ACTN4: variants seen among roughly 807,000 people sequenced by gnomAD.
ACTN4 encodes alpha-actinin-4.
ACTN4 carries 18 observed loss-of-function variants against 114.2 expected under a neutral mutation model. The ratio of observed to expected loss-of-function variants is 0.16; its 90% confidence interval spans 0.11 to 0.23. ACTN4 has a LOEUF of 0.23. ACTN4 is among the 10% of genes least tolerant of loss of function. ACTN4 has a pLI of 1.00. For missense variants in ACTN4, 722 were observed against 1,262.9 expected, an observed-to-expected ratio of 0.57 and a Z score of 6.49; for synonymous variants, 515 against 506.3, an observed-to-expected ratio of 1.02 and a Z score of -0.23.
intron 1 of ACTN4, among the ~76,000 whole-genome samples, chr19:38,672,399 C>T (rs1967159158): frequency 6.6e-6 from 1 of 151,676 alleles, no homozygotes; most frequent in African/African-American, 2.4e-5. Context: ...TGCCACCACA[C>T]CTGGCTAATT....
chr19:38,672,010 A>G (rs1967142756), intron 1 of ACTN4, among the ~76,000 whole-genome samples: 1 of 152,206 alleles, frequency 6.6e-6, no homozygotes, highest in Non-Finnish European at 1.5e-5. Context: ...TGTGAGGGAA[A>G]GAGGGCTTTC....
chr19:38,694,887 C>T (rs954774037), intron 1 of ACTN4, among the ~76,000 whole-genome samples: 6 of 151,456 alleles, frequency 4.0e-5, no homozygotes, highest in East Asian at 1.9e-4. Context: ...TGCGGGGGGG[C>T]GGGTTGAGAC....
In ACTN4 at chr19:38,724,311, C is replaced by G; in HGVS notation, c.1847C>G (p.Pro616Arg). Reference protein sequence around the residue: ...SGSNPYTTVTPQIINSKWEKV... With the variant: ...SGSNPYTTVTRQIINSKWEKV... The stretch of plus-strand genomic sequence containing the variant: ...AGCAACCCCTACACCACCGTCACCC[C>G]GCAAATCATCAACTCCAAGTGGGAG... Residue 616 changes from proline (P) to arginine (R), a missense_variant, in exon 15 of 21, where the codon CCG becomes CGG. By Grantham distance (103) the Pro-to-Arg change is moderately radical. Around this residue, in one of 3 missense-constraint regions of ACTN4, gnomAD observed 523 missense variants for 875.9 expected, o/e 0.60. Coordinates refer to ENST00000252699, the MANE Select transcript of ACTN4 (RefSeq NM_004924.6). This position sits in a 1 kb window ranked among gnomAD's most constrained non-coding sequence, Gnocchi z 7.0. 6.2e-7 allele frequency: 1 copy of G among 1,613,814 alleles called. No homozygotes were observed. Among genetic ancestry groups the G allele is most frequent in the South Asian group, 1.1e-5 (1 of 91,088 alleles).
At chr19:38,660,037 C>T (rs1568677344) in intron 1 of ACTN4, among the ~76,000 whole-genome samples, 1 of 151,714 alleles carries the variant, frequency 6.6e-6, no homozygotes, top group African/African-American at 2.4e-5. Context: ...ATTCTCCTGC[C>T]TCAGCCTTCC....
chr19:38,651,626 C>CT lies in ACTN4; in HGVS notation c.162+3728dup, dbSNP rs1327882635. Among the ~76,000 whole-genome samples, 368 of 151,112 alleles carry CT rather than the reference C, an allele frequency of 2.4e-3. 2 individuals carry two copies. Among genetic ancestry groups the CT allele is most frequent in the African/African-American group, 8.4e-3 (345 of 41,144 alleles). ...TCAATGTTTCAACCCTGACCGTTGG[C>CT]TTTTTTTTTGGAGACGGAGTTTTGC... On this transcript the variant is annotated intron_variant, in intron 1 of 20. Coordinates refer to ENST00000252699, the MANE Select transcript of ACTN4 (RefSeq NM_004924.6).
At position 38,731,313 on chromosome 19, in the gene ACTN4, A is replaced by C; in HGVS notation, c.*1881A>C. 1.0e-6 allele frequency: 1 copy of C among 972,244 alleles called. No homozygotes were observed. Among genetic ancestry groups the C allele is most frequent in the African/African-American group, 1.6e-5 (1 of 62,870 alleles). The allele number at this position is 972,244 out of a possible 1,614,324, so 60.2% of individuals were successfully genotyped here. A position where few individuals can be genotyped will look rare whatever the true frequency, so the allele number is the denominator to read the frequency against. On this transcript the variant is annotated 3_prime_UTR_variant, in exon 21 of 21. Coordinates refer to ENST00000252699, the MANE Select transcript of ACTN4 (RefSeq NM_004924.6). ...CCCCACCTCCTCAGGGAGGACATGA[A>C]TGCCACAGGGTGTCACACCCCAACT...
At chr19:38,665,274 G>T (rs1419408306) in intron 1 of ACTN4, among the ~76,000 whole-genome samples, 2 of 152,224 alleles carry the variant, frequency 1.3e-5, no homozygotes, top group Non-Finnish European at 2.9e-5. Flanking sequence ...TCCACCACCG[G>T]CTGGCTGTGC....
intron 12 of ACTN4, 61 bp downstream of exon 12, chr19:38,721,749 T>C (rs1301289115): frequency 6.2e-7 from 1 of 1,601,214 alleles, no homozygotes; most frequent in Non-Finnish European, 8.5e-7. Flanking sequence ...CCCAGACTGG[T>C]GGCGGCAGCA....
chr19:38,718,589 G>T (rs1044110668), intron 11 of ACTN4, among the ~76,000 whole-genome samples: 1 of 152,140 alleles, frequency 6.6e-6, no homozygotes, highest in African/African-American at 2.4e-5. Context: ...AGAAAGCAGG[G>T]ACCATTCAGG....
At chr19:38,686,134 C>T (rs1967734846) in intron 1 of ACTN4, among the ~76,000 whole-genome samples, 1 of 152,204 alleles carries the variant, frequency 6.6e-6, no homozygotes, top group Non-Finnish European at 1.5e-5. Flanking sequence ...GTGTGTAGCA[C>T]TTGCCTAAAT....
Position 38,708,333 on chromosome 19 carries a change from C to A in ACTN4, c.651+138C>A, listed in dbSNP as rs1416061811. On this transcript the variant is annotated intron_variant, in intron 6 of 20. Transcript: ENST00000252699. ...CACGCAGATGGGCAGCCTGGGAGAG[C>A]CTTGTGCAGGCTCTCCGCAACCCCT... 8.5e-6 allele frequency: 8 copies of A among 946,510 alleles called. No homozygotes were observed. The Admixed American group carries it at 1.4e-4, about 16-fold the overall frequency. The allele number at this position is 946,510 out of a possible 1,614,324, so 58.6% of individuals were successfully genotyped here.
At chr19:38,690,367 A>G (rs1388406898) in intron 1 of ACTN4, among the ~76,000 whole-genome samples, 1 of 152,194 alleles carries the variant, frequency 6.6e-6, no homozygotes, top group Non-Finnish European at 1.5e-5. Context: ...CGAGGCGCCC[A>G]TTGCTGCTCA....
Position 38,717,045 on chromosome 19 carries a change from G to C in ACTN4, c.913-41G>C. On this transcript the variant is annotated intron_variant, in intron 9 of 20. Transcript: ENST00000252699. The surrounding 1 kb of genome is among the most constrained non-coding windows in gnomAD (Gnocchi z 4.0). ...GGGGGGCAGCCCGTCAGCACTCTGA[G>C]GGTCCCCCACAAAGGCCACGCTGGC... The C allele has an allele frequency of 6.3e-7, 1 of 1,584,976 alleles. No individual in the cohort carries two copies.
intron 13 of ACTN4, 60 bp downstream of exon 13, chr19:38,723,782 G>A: frequency 6.7e-7 from 1 of 1,488,582 alleles, no homozygotes; most frequent in Non-Finnish European, 9.2e-7. Context: ...GGGGCTGGTG[G>A]TGTGGATAGT....
chr19:38,675,605 G>A (rs984956723), intron 1 of ACTN4, among the ~76,000 whole-genome samples: 6 of 152,228 alleles, frequency 3.9e-5, no homozygotes, highest in East Asian at 1.9e-4. Flanking sequence ...CTTGAGCCGC[G>A]TTCTTGATCG....
intron 6 of ACTN4, 95 bp from the exon 7 acceptor site, chr19:38,709,300 T>C: frequency 1.1e-6 from 1 of 939,972 alleles, no homozygotes; most frequent in Non-Finnish European, 1.8e-6. Context: ...ACCCTCGCCC[T>C]CCCGGGTCTC....
At chr19:38,664,678 C>T (rs536763359) in intron 1 of ACTN4, among the ~76,000 whole-genome samples, 1 of 152,218 alleles carries the variant, frequency 6.6e-6, no homozygotes, top group East Asian at 1.9e-4. Flanking sequence ...CACTGCAGTG[C>T]CATGAAGGAG....
At chr19:38,663,877 C>G (rs1230137985) in intron 1 of ACTN4, among the ~76,000 whole-genome samples, 1 of 152,150 alleles carries the variant, frequency 6.6e-6, no homozygotes, top group African/African-American at 2.4e-5. Context: ...GGAGGGGGTG[C>G]CTTCTGAGGC....
At chr19:38,713,143 A>G (rs1968717069) in intron 8 of ACTN4, among the ~76,000 whole-genome samples, 1 of 152,078 alleles carries the variant, frequency 6.6e-6, no homozygotes, top group Non-Finnish European at 1.5e-5. Flanking sequence ...CGCAGAGTGA[A>G]CCCCAGGTCT....
Sources: allele counts gnomAD v4.1 joint callset (sites outside exome capture counted in the v4.1 genomes callset), GRCh38; gene constraint gnomAD v4.1.1; regional missense constraint gnomAD v4.1.1; non-coding constraint Gnocchi (gnomAD v3.1); transcripts MANE v1.5; gene names NCBI Gene and HGNC (gene_info 2026-07-23, HGNC 2026-07-21).